Variants in JMY observed in about 807,000 individuals in gnomAD.
The protein encoded by JMY is junction-mediating and -regulatory protein.
A neutral mutation model predicts 103.3 loss-of-function variants in JMY; 46 were observed. That is an observed-to-expected ratio of 0.45 (90% CI 0.35 to 0.57). The LOEUF (loss-of-function observed/expected upper bound fraction) is 0.57. Among genes scored for constraint, JMY ranks in the 20% least tolerant of loss-of-function variants. The pLI, the probability that JMY is intolerant of heterozygous loss-of-function variation, is 0.00. For missense variants in JMY, 1,238 were observed against 1,255.2 expected (o/e 0.99, Z 0.21); for synonymous variants, 526 against 489.3 (o/e 1.07, Z -0.99).
intron 1 of JMY, among the ~76,000 whole-genome samples, chr5:79,267,920 T>G (rs1239670219): frequency 6.6e-6 from 1 of 152,172 alleles, no homozygotes. Context: ...ATTTCTGGAT[T>G]AGGTGGTAAG....
At chr5:79,305,312 C>T (rs1005359785) in intron 6 of JMY, among the ~76,000 whole-genome samples, 2 of 151,902 alleles carry the variant, frequency 1.3e-5, no homozygotes, top group African/African-American at 4.8e-5. Context: ...ATTAGCCAGG[C>T]GTGATGGCAT....
In JMY at chr5:79,290,115, C is replaced by T; in HGVS notation, c.1207-6C>T. 2.6e-6 allele frequency: 4 copies of T among 1,562,454 alleles called. No individual in the cohort carries two copies. The highest frequency in any genetic ancestry group is 3.5e-6 in the Non-Finnish European group (4 of 1,158,718). ...ACTTCTTAATTTTTTCTTTTTCTCT[C>T]TGAAGATTTCCATGGAGAATGATTA... On this transcript the variant is annotated splice_region_variant and splice_polypyrimidine_tract_variant and intron_variant, in intron 2 of 10. Coordinates refer to ENST00000396137, the MANE Select transcript of JMY (RefSeq NM_152405.5).
intron 1 of JMY, among the ~76,000 whole-genome samples, chr5:79,275,083 T>C (rs1252924711): frequency 6.6e-6 from 1 of 152,112 alleles, no homozygotes; most frequent in Non-Finnish European, 1.5e-5. Context: ...GCTTTCTAGC[T>C]GCTGTGGTTG....
chr5:79,322,781 C>T lies in JMY; in HGVS notation c.*1179C>T, dbSNP rs1747500464. ...GTTGTGGGCTTGAATACATGTAGAT[C>T]ATTGGACTCAGTGTGCAGTACCCTG... On this transcript the variant is annotated 3_prime_UTR_variant, in exon 11 of 11. Coordinates refer to ENST00000396137, the MANE Select transcript of JMY (RefSeq NM_152405.5). The T allele has an allele frequency of 6.6e-6, 1 of 152,152 alleles. No homozygotes were observed. The highest frequency in any genetic ancestry group is 2.4e-5 in the African/African-American group (1 of 41,422). The allele number at this position is 152,152 out of a possible 1,614,324, so 9.4% of individuals were successfully genotyped here. A position where few individuals can be genotyped will look rare whatever the true frequency, so the allele number is the denominator to read the frequency against.
At chr5:79,313,371 A>G (rs959708818) in intron 8 of JMY, among the ~76,000 whole-genome samples, 1 of 152,152 alleles carries the variant, frequency 6.6e-6, no homozygotes, top group African/African-American at 2.4e-5. Context: ...GTGAGCTGTG[A>G]TCATACCACT....
intron 7 of JMY, among the ~76,000 whole-genome samples, chr5:79,309,125 A>G (rs1746971559): frequency 6.6e-6 from 1 of 151,836 alleles, no homozygotes; most frequent in South Asian, 2.1e-4. Context: ...AGACAGTTTT[A>G]TTTCTGTATA....
chr5:79,296,995 G>A (rs1028997204), intron 4 of JMY, among the ~76,000 whole-genome samples: 7 of 152,150 alleles, frequency 4.6e-5, no homozygotes, highest in Non-Finnish European at 8.8e-5. Flanking sequence ...GACATGAATT[G>A]GTACTTCATC....
chr5:79,266,623 A>G (rs1745594855), intron 1 of JMY, among the ~76,000 whole-genome samples: 2 of 152,208 alleles, frequency 1.3e-5, no homozygotes, highest in Admixed American at 1.3e-4. Flanking sequence ...TTTGAAATAA[A>G]CAATAAATTA....
chr5:79,277,894 C>CT lies in JMY; in HGVS notation c.1033-15dup, dbSNP rs1162628563. 3.1e-6 allele frequency: 5 copies of CT among 1,591,406 alleles called. No individual in the cohort carries two copies. Among genetic ancestry groups the CT allele is most frequent in the Non-Finnish European group, 4.3e-6 (5 of 1,165,266 alleles). ...AGAATTGATTTTCTTAGTTGTGAAA[C>CT]TGTCTTGTTCCACAGCTCTTGGATA... is the stretch of plus-strand genomic sequence containing the variant. On this transcript the variant is annotated splice_polypyrimidine_tract_variant and intron_variant, in intron 1 of 10. Transcript: ENST00000396137.
intron 1 of JMY, among the ~76,000 whole-genome samples, chr5:79,261,381 AT>A (rs1169626084): frequency 9.2e-5 from 14 of 151,504 alleles, no homozygotes; most frequent in Non-Finnish European, 1.5e-4. Context: ...GTCTCTACAA[AT>A]AATAATAATA....
At position 79,249,711 on chromosome 5, in the gene JMY, C is replaced by T. The variant is rs373293154; in HGVS notation, c.1032+12029C>T. Reference sequence around the variant, plus strand: ...CTCTTTTCATTTTGTCTAACTGCACCATTCCCCAGTTACTCTATTCAAGTT... The same window carrying T: ...CTCTTTTCATTTTGTCTAACTGCACTATTCCCCAGTTACTCTATTCAAGTT... On this transcript the variant is annotated intron_variant, in intron 1 of 10. Transcript: ENST00000396137. Among the ~76,000 whole-genome samples, 6 of 152,240 alleles carry T rather than the reference C, an allele frequency of 3.9e-5. No individual in the cohort carries two copies. In the East Asian group the frequency reaches 9.6e-4, roughly 24 times the overall value.
intron 1 of JMY, among the ~76,000 whole-genome samples, chr5:79,265,611 T>G (rs969626468): frequency 3.3e-5 from 5 of 152,014 alleles, no homozygotes; most frequent in African/African-American, 1.2e-4. Flanking sequence ...ATTGACCACA[T>G]GCAATGTTCT....
intron 10 of JMY, among the ~76,000 whole-genome samples, chr5:79,320,137 T>C (rs1290484828): frequency 6.6e-6 from 1 of 151,990 alleles, no homozygotes. Flanking sequence ...CTGCAGTACT[T>C]CAGGAGGCTG....
chr5:79,253,858 G>A (rs1745161743), intron 1 of JMY, among the ~76,000 whole-genome samples: 1 of 151,790 alleles, frequency 6.6e-6, no homozygotes, highest in African/African-American at 2.4e-5. Flanking sequence ...GTAGAAATGG[G>A]GTTTTGCCAT....
chr5:79,267,890 A>G (rs1745630922), intron 1 of JMY, among the ~76,000 whole-genome samples: 1 of 152,220 alleles, frequency 6.6e-6, no homozygotes. Flanking sequence ...ACTCATTTGG[A>G]TAAATATTAA....
At chr5:79,256,623 C>G (rs371858323) in intron 1 of JMY, among the ~76,000 whole-genome samples, 6 of 152,102 alleles carry the variant, frequency 3.9e-5, no homozygotes, top group Admixed American at 3.9e-4. Context: ...AGGCTGGTCT[C>G]GAACTGTTGG....
chr5:79,255,927 C>T (rs1176213555), intron 1 of JMY, among the ~76,000 whole-genome samples: 4 of 152,232 alleles, frequency 2.6e-5, no homozygotes, highest in Admixed American at 6.5e-5. Context: ...GCTATAACCA[C>T]TCCCTGGCTA....
In JMY at chr5:79,236,687, TG is replaced by T; in HGVS notation, c.40del (p.Val14TrpfsTer31). 1 of 1,486,992 alleles carries T rather than the reference TG, an allele frequency of 6.7e-7. No homozygotes were observed. The highest frequency in any genetic ancestry group is 9.0e-7 in the Non-Finnish European group (1 of 1,114,244). 92.1% of individuals were successfully genotyped at this position (1,486,992 alleles called of 1,614,324 possible). A position where few individuals can be genotyped will look rare whatever the true frequency, so the allele number is the denominator to read the frequency against. On this transcript the variant is annotated frameshift_variant, in exon 1 of 11. Transcript: ENST00000396137. LOFTEE classifies it high-confidence loss of function. ...FALEETLESD[W>X]VAVRPHVFDE... ...GCTGGAGGAGACGCTCGAGTCGGAC[TG>T]GGTGGCTGTGCGGCCCCATGTGTTC...
intron 1 of JMY, among the ~76,000 whole-genome samples, chr5:79,241,707 T>A (rs1744748485): frequency 6.6e-6 from 1 of 152,242 alleles, no homozygotes; most frequent in Non-Finnish European, 1.5e-5. Flanking sequence ...GTTTATGCTA[T>A]AATGTACATT....
Sources: gnomAD v4.1 joint callset for allele counts (sites outside exome capture counted in the v4.1 genomes callset) on GRCh38, gnomAD v4.1.1 for gene constraint, MANE v1.5 for transcripts, NCBI Gene and HGNC (gene_info 2026-07-23, HGNC 2026-07-21) for gene names.